The following FMR1NB variants were observed in gnomAD, a reference collection of about 807,000 sequenced individuals.
FMR1NB encodes the protein FMR1 neighbor protein.
FMR1NB carries 10 observed loss-of-function variants against 16.8 expected under a neutral mutation model. The observed-to-expected ratio is 0.60, with a 90% confidence interval of 0.37 to 1.01. The LOEUF (loss-of-function observed/expected upper bound fraction) is 1.01. Ranked by LOEUF, FMR1NB falls within the 50% of genes least tolerant of loss-of-function variation. The pLI is 0.01. For missense variants in FMR1NB, 205 were observed against 204.8 expected (o/e 1.00, Z 0.00); for synonymous variants, 83 against 79.1 (o/e 1.05, Z -0.26).
chrX:148,002,809 T>G (rs2044577521), intron 1 of FMR1NB, among the ~76,000 whole-genome samples: 2 of 112,242 alleles, frequency 1.8e-5, no homozygotes, highest in Admixed American at 1.9e-4. Context: ...AAGGCCTTGA[T>G]TTTTGTCAAT....
At chrX:148,001,826 G>T (rs2044572067) in intron 1 of FMR1NB, among the ~76,000 whole-genome samples, 1 of 111,333 alleles carries the variant, frequency 9.0e-6, no homozygotes, top group African/African-American at 3.3e-5. Context: ...TGGTGGAACA[G>T]AATAGAAAGT....
intron 4 of FMR1NB, among the ~76,000 whole-genome samples, chrX:148,009,654 G>A (rs919246887): frequency 9.0e-6 from 1 of 110,778 alleles, no homozygotes; most frequent in Non-Finnish European, 1.9e-5. Flanking sequence ...GTTTGTGCGC[G>A]TGCAAGGTCA....
intron 1 of FMR1NB, among the ~76,000 whole-genome samples, chrX:147,981,890 C>G (rs1489258798): frequency 9.0e-6 from 1 of 111,411 alleles, no homozygotes; most frequent in Non-Finnish European, 1.9e-5. Flanking sequence ...TCTTTCCTGC[C>G]TAAACTCACT....
chrX:147,995,818 G>A (rs1170019333), intron 1 of FMR1NB, among the ~76,000 whole-genome samples: 2 of 112,451 alleles, frequency 1.8e-5, no homozygotes, highest in Non-Finnish European at 1.9e-5. Flanking sequence ...AATTGAGCAC[G>A]AGGCTAGCTT....
intron 4 of FMR1NB, 50 bp downstream of exon 4, chrX:148,008,761 T>C: frequency 2.9e-6 from 3 of 1,026,225 alleles, no homozygotes; most frequent in African/African-American, 1.8e-5. Flanking sequence ...TACATGAGTA[T>C]TTGTGTATAG....
At chrX:147,994,326 T>C (rs2044530830) in intron 1 of FMR1NB, among the ~76,000 whole-genome samples, 1 of 112,290 alleles carries the variant, frequency 8.9e-6, no homozygotes, top group Admixed American at 9.4e-5. Context: ...GGTTTCTAGG[T>C]TTTTGTGAGG....
At chrX:148,011,242 C>T (rs968578891) in intron 4 of FMR1NB, among the ~76,000 whole-genome samples, 2 of 108,419 alleles carry the variant, frequency 1.8e-5, no homozygotes, top group African/African-American at 6.8e-5. Context: ...CTAGCCTGGG[C>T]GACAGAGTGA....
chrX:148,019,076 CT>C (rs2044665860), intron 4 of FMR1NB, among the ~76,000 whole-genome samples: 1 of 111,742 alleles, frequency 8.9e-6, no homozygotes, highest in African/African-American at 3.3e-5. Context: ...TCATTGTTTT[CT>C]TTTTTCTTTT....
At chrX:148,011,179 G>A (rs1351924920) in intron 4 of FMR1NB, among the ~76,000 whole-genome samples, 8 of 110,569 alleles carry the variant, frequency 7.2e-5, no homozygotes, top group African/African-American at 1.6e-4. Flanking sequence ...CAGGAGAATC[G>A]CTTGAACCCG....
intron 4 of FMR1NB, among the ~76,000 whole-genome samples, chrX:148,014,215 G>C (rs1430865846): frequency 9.0e-6 from 1 of 111,158 alleles, no homozygotes; most frequent in Non-Finnish European, 1.9e-5. Context: ...GGGGCTTGGA[G>C]GATGGCTAGG....
chrX:148,002,146 CATAAAAAAGTAAGG>C (rs1395159944), intron 1 of FMR1NB, among the ~76,000 whole-genome samples: 1 of 110,672 alleles, frequency 9.0e-6, no homozygotes, highest in Non-Finnish European at 1.9e-5. Flanking sequence ...TCCCAAACAC[CATAAAAAAGTAAGG>C]ATAACCAATT....
intron 4 of FMR1NB, among the ~76,000 whole-genome samples, chrX:148,019,428 G>C (rs1213772977): frequency 8.9e-6 from 1 of 111,960 alleles, no homozygotes; most frequent in Non-Finnish European, 1.9e-5. Flanking sequence ...AGTTCATTTG[G>C]TGATTTCACA....
At chrX:147,981,721 G>T in intron 1 of FMR1NB, 42 bp downstream of exon 1, 3 of 998,963 alleles carry the variant, frequency 3.0e-6, no homozygotes, top group Non-Finnish European at 4.1e-6. Flanking sequence ...GCTGGGGGAG[G>T]GGGAGGGGGA....
At chrX:147,981,997 T>TA (rs2044450512) in intron 1 of FMR1NB, among the ~76,000 whole-genome samples, 1 of 111,657 alleles carries the variant, frequency 9.0e-6, no homozygotes, top group Non-Finnish European at 1.9e-5. Flanking sequence ...CGCCCCTTTT[T>TA]AAAAATTGAG....
At chrX:147,983,525 G>A (rs1005338072) in intron 1 of FMR1NB, among the ~76,000 whole-genome samples, 1 of 111,869 alleles carries the variant, frequency 8.9e-6, no homozygotes. Flanking sequence ...TTGGCCATTC[G>A]TACATCTTTG....
chrX:147,981,518 A>G lies in FMR1NB; in HGVS notation c.116A>G (p.Glu39Gly). ...TTGGCGGCAACTGAGTCGAATCCCG[A>G]GAGCAGCCATCCTGGATACGAGGCC... ...YELAATESNP[E>G]SSHPGYEAAM... Residue 39 changes from glutamate (E) to glycine (G), a missense_variant, in exon 1 of 6, where the codon GAG becomes GGG. Physicochemically the swap from Glu to Gly is moderately conservative, Grantham distance 98. Transcript: ENST00000370467. 8.3e-7 allele frequency: 1 copy of G among 1,211,921 alleles called. No individual in the cohort carries two copies. Among genetic ancestry groups the G allele is most frequent in the Non-Finnish European group, 1.1e-6 (1 of 895,521 alleles).
At chrX:147,990,688 G>T (rs1401933570) in intron 1 of FMR1NB, among the ~76,000 whole-genome samples, 1 of 111,493 alleles carries the variant, frequency 9.0e-6, no homozygotes, top group Admixed American at 9.5e-5. Flanking sequence ...GGGAGGTTTT[G>T]TTTAGTGTTT....
At chrX:148,003,354 T>C in intron 2 of FMR1NB, 34 bp downstream of exon 2, 1 of 1,195,798 alleles carries the variant, frequency 8.4e-7, no homozygotes, top group South Asian at 1.8e-5. Flanking sequence ...CCCCCTCTAA[T>C]GTTCTTGTTT....
intron 5 of FMR1NB, among the ~76,000 whole-genome samples, chrX:148,025,312 G>A (rs894115269): frequency 2.7e-5 from 3 of 111,198 alleles, no homozygotes; most frequent in African/African-American, 6.5e-5. Context: ...CTCCCTGATA[G>A]ACACCCTTGG....
Sources: gnomAD v4.1 joint callset for allele counts (sites outside exome capture counted in the v4.1 genomes callset) on GRCh38, gnomAD v4.1.1 for gene constraint, MANE v1.5 for transcripts, NCBI Gene and HGNC (gene_info 2026-07-23, HGNC 2026-07-21) for gene names.